Variants in HDAC4 observed in about 807,000 individuals in gnomAD.
HDAC4 encodes the protein histone deacetylase 4.
HDAC4 carries 16 observed loss-of-function variants against 135.1 expected under a neutral mutation model. The observed-to-expected ratio is 0.12, with a 90% CI of 0.08 to 0.18. The LOEUF (loss-of-function observed/expected upper bound fraction) is 0.18. HDAC4 is among the 10% of genes least tolerant of loss of function. HDAC4 has a pLI of 1.00. For missense variants in HDAC4, 1,143 were observed against 1,511.8 expected (o/e 0.76, Z 4.05); for synonymous variants, 685 against 653.4 (o/e 1.05, Z -0.74).
intron 2 of HDAC4, chr2:239,298,278 T>A: frequency 7.9e-7 from 1 of 1,267,792 alleles, no homozygotes; most frequent in Non-Finnish European, 1.0e-6. Context: ...GCTGGTGCCC[T>A]GGACAAGCGG....
chr2:239,367,455 G>C (rs1436535764), intron 1 of HDAC4, among the ~76,000 whole-genome samples: 5 of 152,124 alleles, frequency 3.3e-5, no homozygotes, highest in African/African-American at 1.2e-4. Context: ...TTTTAGATGT[G>C]TGTTAGTTTC....
chr2:239,277,926 TCCAGCCACACACG>T (rs1179691315), intron 2 of HDAC4, among the ~76,000 whole-genome samples: 9 of 144,448 alleles, frequency 6.2e-5, no homozygotes, highest in African/African-American at 1.1e-4. Flanking sequence ...AGCCACACAC[TCCAGCCACACACG>T]CCAGCCACAC....
intron 5 of HDAC4, among the ~76,000 whole-genome samples, chr2:239,164,501 T>A (rs2152973446): frequency 6.6e-6 from 1 of 152,368 alleles, no homozygotes; most frequent in African/African-American, 2.4e-5. Flanking sequence ...AACTGTGGTT[T>A]TCTTCCGTGG....
rs116551817 is a variant in HDAC4 at position 239,347,852 on chromosome 2, G to T, written c.22+4826C>A. Among the ~76,000 whole-genome samples the T allele has an allele frequency of 9.8e-3, 1,486 of 152,238 alleles. 23 individuals are homozygous for T. The highest frequency in any genetic ancestry group is 0.034 in the African/African-American group (1,403 of 41,520). On this transcript the variant is annotated intron_variant, in intron 2 of 26. Coordinates refer to ENST00000543185, the MANE Select transcript of HDAC4 (RefSeq NM_001378414.1). ...TTGAACTAAACATTATCCGTACCTC[G>T]CACCAAGATTCCAGGAGCGAGAGGA...
chr2:239,114,839 CA>C (rs1272991966), intron 13 of HDAC4, among the ~76,000 whole-genome samples: 3 of 152,176 alleles, frequency 2.0e-5, no homozygotes, highest in African/African-American at 4.8e-5. Context: ...TAACCACCCA[CA>C]GGGGGCAAAC....
intron 1 of HDAC4, among the ~76,000 whole-genome samples, chr2:239,370,845 T>C (rs1182499571): frequency 6.6e-6 from 1 of 152,222 alleles, no homozygotes; most frequent in Admixed American, 6.5e-5. Flanking sequence ...TTTAAGAACG[T>C]TCCTGGGATG....
chr2:239,107,980 G>A (rs941132549), intron 15 of HDAC4, 70 bp downstream of exon 15: 58 of 1,584,190 alleles, frequency 3.7e-5, no homozygotes, highest in African/African-American at 3.5e-4. Context: ...CCTGAATCAC[G>A]CGGGCCCACG....
At chr2:239,194,515 T>C (rs1389240222) in intron 3 of HDAC4, among the ~76,000 whole-genome samples, 3 of 152,172 alleles carry the variant, frequency 2.0e-5, no homozygotes, top group Non-Finnish European at 4.4e-5. Flanking sequence ...GTGCATCACC[T>C]GAACGGTCAC....
intron 1 of HDAC4, among the ~76,000 whole-genome samples, chr2:239,377,887 A>G (rs944850853): frequency 5.9e-5 from 9 of 152,094 alleles, no homozygotes; most frequent in African/African-American, 2.2e-4. Context: ...CTGTCTCCAT[A>G]TGCCACAGGG....
intron 2 of HDAC4, among the ~76,000 whole-genome samples, chr2:239,345,270 C>T (rs1248543327): frequency 6.6e-6 from 1 of 152,128 alleles, no homozygotes; most frequent in South Asian, 2.1e-4. Context: ...GTACTCCTGG[C>T]CGGATACAAT....
intron 16 of HDAC4, among the ~76,000 whole-genome samples, chr2:239,101,368 G>A (rs2037612582): frequency 6.6e-6 from 1 of 152,198 alleles, no homozygotes; most frequent in Non-Finnish European, 1.5e-5. Context: ...GTGGATGAAG[G>A]CGTGAGCGAG....
chr2:239,376,902 A>G (rs1695049697), intron 1 of HDAC4, among the ~76,000 whole-genome samples: 1 of 152,036 alleles, frequency 6.6e-6, no homozygotes, highest in Non-Finnish European at 1.5e-5. Context: ...GGGTTGCACG[A>G]TGATAGCAAG....
Position 239,115,205 on chromosome 2 carries a change from C to A in HDAC4, c.1639G>T (p.Asp547Tyr), listed in dbSNP as rs1453271514. The A allele has an allele frequency of 6.2e-7, 1 of 1,611,884 alleles. No homozygotes were observed. The highest frequency in any genetic ancestry group is 8.5e-7 in the Non-Finnish European group (1 of 1,179,906). ...HQALLDEPYL[D>Y]RLPGQKEAHA... ...GCCTCCTTCTGCCCCGGCAGCCGGT[C>A]CAGGTAGGGCTCGTCCAGCAGAGCC... Residue 547 changes from aspartate (D) to tyrosine (Y), a missense_variant, in exon 13 of 27, where the codon GAC becomes TAC. By Grantham distance (160) the Asp-to-Tyr change is radical. This residue lies in a region of HDAC4 where 196 missense variants were observed against 210.7 expected (regional missense o/e 0.93). Coordinates refer to ENST00000543185, the MANE Select transcript of HDAC4 (RefSeq NM_001378414.1). This position sits in a 1 kb window ranked among gnomAD's most constrained non-coding sequence, Gnocchi z 6.3.
chr2:239,354,892 C>G (rs1693394101), intron 1 of HDAC4, among the ~76,000 whole-genome samples: 1 of 152,028 alleles, frequency 6.6e-6, no homozygotes, highest in Non-Finnish European at 1.5e-5. Context: ...ATCCTTCACA[C>G]AAAAAAACAC....
chr2:239,149,708 G>T (rs1169097457), intron 7 of HDAC4, among the ~76,000 whole-genome samples: 1 of 152,300 alleles, frequency 6.6e-6, no homozygotes, highest in South Asian at 2.1e-4. Context: ...CGTTGCTCAC[G>T]TGCTCCTGGG....
At chr2:239,201,865 C>G (rs2045776976) in intron 3 of HDAC4, among the ~76,000 whole-genome samples, 1 of 152,220 alleles carries the variant, frequency 6.6e-6, no homozygotes, top group South Asian at 2.1e-4. Flanking sequence ...TTCACTTGCA[C>G]CAAACTCAAA....
At chr2:239,230,659 T>C (rs560395047) in intron 3 of HDAC4, among the ~76,000 whole-genome samples, 16 of 152,326 alleles carry the variant, frequency 1.1e-4, no homozygotes, top group African/African-American at 2.9e-4. Flanking sequence ...CACTGGACCC[T>C]ATCCAAACCC....
At chr2:239,283,145 G>A (rs2050917974) in intron 2 of HDAC4, among the ~76,000 whole-genome samples, 1 of 152,268 alleles carries the variant, frequency 6.6e-6, no homozygotes, top group Non-Finnish European at 1.5e-5. Context: ...GGGTGCAGAG[G>A]GAGCTTGACA....
chr2:239,101,831 G>C (rs2037667674), intron 16 of HDAC4, among the ~76,000 whole-genome samples: 1 of 151,786 alleles, frequency 6.6e-6, no homozygotes, highest in Admixed American at 6.5e-5. Flanking sequence ...CTGTGTCCTG[G>C]GAGCCCCCGG....
Sources: allele counts gnomAD v4.1 joint callset (sites outside exome capture counted in the v4.1 genomes callset), GRCh38; gene constraint gnomAD v4.1.1; regional missense constraint gnomAD v4.1.1; non-coding constraint Gnocchi (gnomAD v3.1); transcripts MANE v1.5; gene names NCBI Gene and HGNC (gene_info 2026-07-23, HGNC 2026-07-21).